Variants in SCARB1 observed in about 807,000 individuals in gnomAD.
SCARB1 encodes the protein CD36 and LIMPII analogous 1.
A neutral mutation model predicts 57.2 loss-of-function variants in SCARB1; 30 were observed. That is an observed-to-expected ratio of 0.52 (90% CI 0.39 to 0.71). The LOEUF (loss-of-function observed/expected upper bound fraction) is 0.71, where lower values mean the gene tolerates loss of function less well. SCARB1 is among the 30% of genes least tolerant of loss of function. The pLI is 0.00. For missense variants in SCARB1, 543 were observed against 671.2 expected (o/e 0.81, Z 2.11); for synonymous variants, 249 against 268.3 (o/e 0.93, Z 0.70).
intron 1 of SCARB1, among the ~76,000 whole-genome samples, chr12:124,835,794 G>A (rs552088956): frequency 1.1e-3 from 170 of 152,276 alleles, no homozygotes; most frequent in Non-Finnish European, 2.1e-3. Flanking sequence ...GTAAATTCCT[G>A]CCTTCTGGCT....
intron 1 of SCARB1, among the ~76,000 whole-genome samples, chr12:124,849,036 C>T (rs1952283256): frequency 6.6e-6 from 1 of 152,220 alleles, no homozygotes; most frequent in Admixed American, 6.5e-5. Context: ...GTAGGAGACA[C>T]TTTTATTAAC....
chr12:124,831,231 G>A (rs995586561), intron 1 of SCARB1, among the ~76,000 whole-genome samples: 9 of 152,102 alleles, frequency 5.9e-5, no homozygotes, highest in Non-Finnish European at 8.8e-5. Context: ...TGCCTGCCTC[G>A]GCCTCCCAAA....
rs1160728943 is a variant in SCARB1, at chr12:124,787,438, G to A, written c.1222C>T (p.Pro408Ser). The change falls in exon 10 of 13, where the codon CCT (proline) becomes TCT (serine). Residue 408 changes from proline (P) to serine (S), a missense_variant. Pro to Ser is a moderately conservative substitution (Grantham distance 74, BLOSUM62 -1). Coordinates refer to ENST00000261693, the MANE Select transcript of SCARB1 (RefSeq NM_005505.5). ...AGIGQTGKIE[P>S]VVLPLLWFAE... ...AACCAGAGCAGCGGCAGGACCACAG[G>A]CTCAATCTTCCCAGTTTGTCTGGAA... The A allele has an allele frequency of 1.2e-6, 2 of 1,613,684 alleles. No homozygotes were observed. Among genetic ancestry groups the A allele is most frequent in the Middle Eastern group, 1.6e-4 (1 of 6,062 alleles).
intron 11 of SCARB1, chr12:124,783,330 C>CA (rs2135527899): frequency 6.3e-6 from 1 of 157,702 alleles, no homozygotes; most frequent in East Asian, 1.8e-4. Flanking sequence ...GTGATCCTCC[C>CA]ACCTCAACCT....
chr12:124,841,397 G>T (rs1187268635), intron 1 of SCARB1, among the ~76,000 whole-genome samples: 1 of 149,108 alleles, frequency 6.7e-6, no homozygotes, highest in Non-Finnish European at 1.5e-5. Flanking sequence ...AAAGAGAATT[G>T]CTTGAACTCG....
intron 1 of SCARB1, among the ~76,000 whole-genome samples, chr12:124,845,036 T>A (rs1952084436): frequency 1.3e-5 from 2 of 150,948 alleles, no homozygotes; most frequent in South Asian, 4.2e-4. Context: ...CTGCACAAGG[T>A]CCAAGGACAC....
At chr12:124,844,918 C>T (rs1952079629) in intron 1 of SCARB1, among the ~76,000 whole-genome samples, 1 of 151,586 alleles carries the variant, frequency 6.6e-6, no homozygotes, top group South Asian at 2.1e-4. Flanking sequence ...CATGCAGACT[C>T]AGACACCCAC....
intron 1 of SCARB1, among the ~76,000 whole-genome samples, chr12:124,857,387 A>G (rs1448215938): frequency 1.3e-5 from 2 of 152,202 alleles, no homozygotes; most frequent in Admixed American, 1.3e-4. Context: ...ACTGATTGAC[A>G]AAGATTTCCC....
chr12:124,804,427 A>C (rs1299622064), intron 7 of SCARB1, among the ~76,000 whole-genome samples: 1 of 152,250 alleles, frequency 6.6e-6, no homozygotes. Context: ...TTTGTGCCTA[A>C]TGCAGAGATC....
At chr12:124,842,743 G>GC (rs1451161188) in intron 1 of SCARB1, among the ~76,000 whole-genome samples, 3 of 152,226 alleles carry the variant, frequency 2.0e-5, no homozygotes, top group Admixed American at 6.5e-5. Flanking sequence ...GACCCCACAT[G>GC]CCCCTCTTCA....
Position 124,863,615 on chromosome 12 carries a change from T to G in SCARB1, c.106A>C (p.Ile36Leu). ...AVMIVMVPSL[I>L]KQQVLKNVRI... ...CCCACCTTAAGGACCTGCTGCTTGA[T>G]GAGCGACGGCACCATCACGATCATG... The change falls in exon 1 of 13, where the codon ATC becomes CTC. Residue 36 changes from isoleucine to leucine, a missense_variant. Physicochemically the swap from Ile to Leu is conservative, Grantham distance 5. Transcript: ENST00000261693. 1 of 1,602,294 alleles carries G rather than the reference T, an allele frequency of 6.2e-7. No homozygotes were observed. Among genetic ancestry groups the G allele is most frequent in the Non-Finnish European group, 8.5e-7 (1 of 1,174,644 alleles).
intron 1 of SCARB1, among the ~76,000 whole-genome samples, chr12:124,833,827 G>A (rs566326246): frequency 1.1e-4 from 17 of 152,348 alleles, no homozygotes; most frequent in East Asian, 3.9e-4. Flanking sequence ...CACGTCCCCC[G>A]CTTTTGAACC....
chr12:124,797,486 C>G (rs954438578), intron 8 of SCARB1, among the ~76,000 whole-genome samples: 2 of 152,174 alleles, frequency 1.3e-5, no homozygotes, highest in Non-Finnish European at 2.9e-5. Flanking sequence ...GAAATAAAGG[C>G]CACTTCCTCT....
intron 1 of SCARB1, among the ~76,000 whole-genome samples, chr12:124,853,690 C>T (rs368129464): frequency 1.4e-3 from 207 of 152,216 alleles, no homozygotes; most frequent in African/African-American, 4.8e-3. Flanking sequence ...CCACTGTGCC[C>T]GGCCCAATTT....
chr12:124,840,284 C>T (rs111505716), intron 1 of SCARB1, among the ~76,000 whole-genome samples: 16,069 of 152,058 alleles, frequency 0.11, 948 homozygotes, highest in African/African-American at 0.16. Context: ...AACGATTCTC[C>T]TGCCTCAGCC....
In SCARB1 at chr12:124,863,858, A is replaced by G; in HGVS notation, c.-138T>C. ...CACGGTGGATCCGGGACGGCAGCGC[A>G]CGCAGGAGCAGCCCGGCAGGTGGCC... On this transcript the variant is annotated 5_prime_UTR_variant, in exon 1 of 13. Transcript: ENST00000261693. 1.8e-6 allele frequency: 2 copies of G among 1,116,072 alleles called. No homozygotes were observed. The highest frequency in any genetic ancestry group is 2.4e-6 in the Non-Finnish European group (2 of 850,732). The allele number at this position is 1,116,072 out of a possible 1,614,324, so 69.1% of individuals were successfully genotyped here. A position where few individuals can be genotyped will look rare whatever the true frequency, so the allele number is the denominator to read the frequency against.
rs539438665 is a variant in SCARB1 at position 124,812,213 on chromosome 12, T to A, written c.631-248A>T. Among the ~76,000 whole-genome samples the A allele has an allele frequency of 3.3e-5, 5 of 152,252 alleles. No individual in the cohort carries two copies. The South Asian group carries it at 1.0e-3, about 32-fold the overall frequency. On this transcript the variant is annotated intron_variant, in intron 4 of 12. Coordinates refer to ENST00000261693, the MANE Select transcript of SCARB1 (RefSeq NM_005505.5). The surrounding 1 kb of genome is among the most constrained non-coding windows in gnomAD (Gnocchi z 4.3). ...CTTCCTAACTCCAGGAGAGTCTGGCTTTCCTCCCAGGTAAATGGCAGATCA... is the reference window on the plus strand; with the variant it reads ...CTTCCTAACTCCAGGAGAGTCTGGCATTCCTCCCAGGTAAATGGCAGATCA...
chr12:124,783,127 C>T, intron 11 of SCARB1: 1 of 342,298 alleles, frequency 2.9e-6, no homozygotes. Flanking sequence ...GTGGACTTAG[C>T]TGGGGGGCTG....
chr12:124,854,674 G>A (rs1475943090), intron 1 of SCARB1, among the ~76,000 whole-genome samples: 1 of 152,138 alleles, frequency 6.6e-6, no homozygotes, highest in Admixed American at 6.6e-5. Flanking sequence ...TTTCTGACGG[G>A]TTCTCTGAGG....
Sources: gnomAD v4.1 joint callset for allele counts (sites outside exome capture counted in the v4.1 genomes callset) on GRCh38, gnomAD v4.1.1 for gene constraint, Gnocchi (gnomAD v3.1) non-coding constraint, MANE v1.5 for transcripts, NCBI Gene and HGNC (gene_info 2026-07-23, HGNC 2026-07-21) for gene names.